Variants in TLN2 observed in about 807,000 individuals in gnomAD.
TLN2 encodes the protein talin-2.
Under a neutral mutation model 294.7 loss-of-function variants are expected in TLN2, and 118 were observed. The ratio of observed to expected loss-of-function variants is 0.40; its 90% confidence interval spans 0.34 to 0.47. The LOEUF (loss-of-function observed/expected upper bound fraction) is 0.47. TLN2 is among the 20% of genes least tolerant of loss of function. The probability of loss-of-function intolerance (pLI) is 0.84; values close to 1 mark genes in which losing one functional copy is unlikely to be tolerated. For synonymous variants in TLN2, 1,431 were observed against 1,304.5 expected (o/e 1.10, Z -2.09); for missense variants, 3,083 against 3,282.2 (o/e 0.94, Z 1.48).
rs142691831 is a variant in TLN2 at position 62,674,008 on chromosome 15, A to C, written c.852+118A>C. ...TCGTGCCTGTACTCTGATATAATAA[A>C]TGATTAGTGACTCAAGAGTATAGAA... On this transcript the variant is annotated intron_variant, in intron 10 of 58. Coordinates refer to ENST00000636159, the MANE Select transcript of TLN2 (RefSeq NM_015059.3). 31 of 633,798 alleles carry C rather than the reference A, an allele frequency of 4.9e-5. 1 individual carries two copies. Among genetic ancestry groups the C allele is most frequent in the African/African-American group, 4.2e-4 (23 of 54,814 alleles). 39.3% of individuals were successfully genotyped at this position (633,798 alleles called of 1,614,324 possible).
chr15:62,702,978 GC>G, intron 19 of TLN2, 114 bp downstream of exon 19: 1 of 964,834 alleles, frequency 1.0e-6, no homozygotes, highest in Non-Finnish European at 1.6e-6. Context: ...AGTCAAGAAT[GC>G]GATTGAGATG....
chr15:62,813,325 A>T (rs1260597772), intron 52 of TLN2, among the ~76,000 whole-genome samples: 1 of 152,170 alleles, frequency 6.6e-6, no homozygotes, highest in Non-Finnish European at 1.5e-5. Flanking sequence ...AATTATTGTC[A>T]TTGTAGTTTG....
At chr15:62,485,132 G>C (rs2038320771) in intron 1 of TLN2, among the ~76,000 whole-genome samples, 1 of 152,048 alleles carries the variant, frequency 6.6e-6, no homozygotes, top group Admixed American at 6.6e-5. Flanking sequence ...ACCACAACTG[G>C]GAAAGGTTCT....
rs571933671 is a variant in TLN2, at chr15:62,707,029, G to A, written c.2005-57G>A. ...GAATTTTAATAACGTTTATTTTCAG[G>A]CTGTGAAAGGTGATTAGAGAAAAAT... is the stretch of plus-strand genomic sequence containing the variant. On this transcript the variant is annotated intron_variant, in intron 19 of 58. Transcript: ENST00000636159. 949 of 1,502,452 alleles carry A rather than the reference G, an allele frequency of 6.3e-4. 1 individual carries two copies. The highest frequency in any genetic ancestry group is 1.5e-3 in the Admixed American group (73 of 48,536). 93.1% of individuals were successfully genotyped at this position (1,502,452 alleles called of 1,614,324 possible).
At chr15:62,760,723 C>T (rs1394666422) in intron 37 of TLN2, among the ~76,000 whole-genome samples, 2 of 152,118 alleles carry the variant, frequency 1.3e-5, no homozygotes, top group Admixed American at 6.5e-5. Flanking sequence ...TTCCTGGATC[C>T]TTATCCATCC....
At chr15:62,761,210 G>A (rs2062642736) in intron 37 of TLN2, among the ~76,000 whole-genome samples, 1 of 152,134 alleles carries the variant, frequency 6.6e-6, no homozygotes, top group Non-Finnish European at 1.5e-5. Context: ...GAATATCCAG[G>A]TAAAACTTAG....
intron 1 of TLN2, among the ~76,000 whole-genome samples, chr15:62,433,392 C>T (rs1023605004): frequency 2.0e-5 from 3 of 152,100 alleles, no homozygotes; most frequent in African/African-American, 4.8e-5. Flanking sequence ...TCTGAAACTC[C>T]ATAGGGCCTG....
chr15:62,822,266 C>G (rs1161743218), intron 54 of TLN2, among the ~76,000 whole-genome samples: 1 of 152,158 alleles, frequency 6.6e-6, no homozygotes, highest in African/African-American at 2.4e-5. Context: ...AAGAACACTG[C>G]CTGACATACA....
At chr15:62,606,516 C>T (rs2047461694) in intron 2 of TLN2, among the ~76,000 whole-genome samples, 1 of 152,046 alleles carries the variant, frequency 6.6e-6, no homozygotes, top group African/African-American at 2.4e-5. Context: ...TTTGATTTCC[C>T]CCATGGAGGA....
intron 1 of TLN2, among the ~76,000 whole-genome samples, chr15:62,525,753 G>T (rs375296699): frequency 3.8e-4 from 58 of 152,234 alleles, no homozygotes; most frequent in African/African-American, 1.3e-3. Flanking sequence ...GTCCCTTTAG[G>T]TAGTGAAAGG....
At chr15:62,706,168 G>A (rs535198565) in intron 19 of TLN2, among the ~76,000 whole-genome samples, 4 of 152,122 alleles carry the variant, frequency 2.6e-5, no homozygotes, top group Non-Finnish European at 5.9e-5. Context: ...TGACGTGTTT[G>A]TTCCAAATAA....
intron 43 of TLN2, among the ~76,000 whole-genome samples, chr15:62,777,179 G>A (rs1056538894): frequency 2.0e-5 from 3 of 152,122 alleles, no homozygotes; most frequent in African/African-American, 7.2e-5. Flanking sequence ...ATTGTAAGAT[G>A]GAAATTGATT....
rs1333246761 is a variant in TLN2 at position 62,689,422 on chromosome 15, CAT to C, written c.1113+2627_1113+2628del. 5.3e-5 allele frequency among the ~76,000 whole-genome samples: 8 copies of C among 152,288 alleles called. No homozygotes were observed. In the East Asian group the frequency reaches 1.5e-3, roughly 29 times the overall value. ...AACACAAAATGTGATGAAAGAAACT[CAT>C]GAGGTGAAGAACCGTCTATTACACT... On this transcript the variant is annotated intron_variant, in intron 12 of 58. Coordinates refer to ENST00000636159, the MANE Select transcript of TLN2 (RefSeq NM_015059.3).
At chr15:62,696,146 C>T (rs979649231) in intron 14 of TLN2, among the ~76,000 whole-genome samples, 3 of 152,180 alleles carry the variant, frequency 2.0e-5, no homozygotes, top group Non-Finnish European at 2.9e-5. Context: ...TGCAGTGTTT[C>T]TCCATGGATG....
At chr15:62,708,872 G>A (rs1260145800) in intron 21 of TLN2, 76 bp downstream of exon 21, 4 of 1,483,666 alleles carry the variant, frequency 2.7e-6, no homozygotes, top group Non-Finnish European at 3.6e-6. Context: ...CATAGGGAAG[G>A]TGAAGGCTGC....
chr15:62,774,955 T>G (rs1017833120), intron 42 of TLN2, among the ~76,000 whole-genome samples: 11 of 132,436 alleles, frequency 8.3e-5, no homozygotes, highest in African/African-American at 3.5e-4. Context: ...ATTGCTGGCT[T>G]TTTTTTTTTT....
intron 42 of TLN2, among the ~76,000 whole-genome samples, chr15:62,775,604 C>T (rs2063665155): frequency 6.6e-6 from 1 of 152,224 alleles, no homozygotes; most frequent in Non-Finnish European, 1.5e-5. Context: ...TGGCCAGTTC[C>T]TGTGGCTCAC....
rs568020910 is a variant in TLN2 at position 62,431,890 on chromosome 15, A to G, written c.-238+41205A>G. The stretch of plus-strand genomic sequence containing the variant: ...TCTCTATTGGAACAAAATATCAGGG[A>G]TACAAATGTAGAGTGGGTGAGCTCC... On this transcript the variant is annotated intron_variant, in intron 1 of 58. Transcript: ENST00000636159. Among the ~76,000 whole-genome samples the G allele has an allele frequency of 5.3e-4, 81 of 152,284 alleles. 2 individuals are homozygous for G. In the South Asian group the frequency reaches 0.017, roughly 31 times the overall value.
chr15:62,465,371 TC>T (rs1277766586), intron 1 of TLN2, among the ~76,000 whole-genome samples: 1 of 152,144 alleles, frequency 6.6e-6, no homozygotes, highest in Admixed American at 6.5e-5. Flanking sequence ...TGGTTCTGTC[TC>T]CGACTCTTTC....
Sources: gnomAD v4.1 joint callset for allele counts (sites outside exome capture counted in the v4.1 genomes callset) on GRCh38, gnomAD v4.1.1 for gene constraint, MANE v1.5 for transcripts, NCBI Gene and HGNC (gene_info 2026-07-23, HGNC 2026-07-21) for gene names.